The following METAP1D variants were observed in gnomAD, a reference collection of about 807,000 sequenced individuals.
The protein encoded by METAP1D is methionine aminopeptidase 1D, mitochondrial.
METAP1D carries 31 observed loss-of-function variants against 40.5 expected under a neutral mutation model. The observed-to-expected ratio is 0.77, with a 90% CI of 0.58 to 1.03. The LOEUF is 1.03. Among genes scored for constraint, METAP1D ranks in the 50% least tolerant of loss-of-function variants. The pLI is 0.00. For synonymous variants in METAP1D, 151 were observed against 146.4 expected, an observed-to-expected ratio of 1.03 and a Z score of -0.22; for missense variants, 411 against 420.7, an observed-to-expected ratio of 0.98 and a Z score of 0.20.
intron 8 of METAP1D, 24 bp from the exon 9 acceptor site, chr2:172,080,104 C>A: frequency 6.3e-7 from 1 of 1,586,860 alleles, no homozygotes; most frequent in Non-Finnish European, 8.6e-7. Flanking sequence ...GAGGTCACTG[C>A]AGTAAATATT....
At chr2:172,037,050 G>A (rs1574110457) in intron 1 of METAP1D, among the ~76,000 whole-genome samples, 1 of 152,144 alleles carries the variant, frequency 6.6e-6, no homozygotes, top group South Asian at 2.1e-4. Context: ...ACTTGAGGTC[G>A]GGAGTTCAAG....
chr2:172,076,311 T>G (rs971955369), intron 6 of METAP1D, among the ~76,000 whole-genome samples: 1 of 144,520 alleles, frequency 6.9e-6, no homozygotes, highest in Non-Finnish European at 1.5e-5. Context: ...AGGGAGAAAC[T>G]GTTCCTGTAA....
intron 1 of METAP1D, among the ~76,000 whole-genome samples, chr2:172,004,328 T>C (rs1163140429): frequency 1.3e-5 from 2 of 151,970 alleles, no homozygotes; most frequent in African/African-American, 2.4e-5. Flanking sequence ...AACTTTTCTT[T>C]TTTTTTTTAA....
chr2:172,049,327 C>G (rs1013485199), intron 1 of METAP1D, among the ~76,000 whole-genome samples: 8 of 150,590 alleles, frequency 5.3e-5, no homozygotes, highest in African/African-American at 1.9e-4. Flanking sequence ...ACATTCATAT[C>G]CTTAAATATA....
intron 6 of METAP1D, among the ~76,000 whole-genome samples, chr2:172,074,584 G>A (rs1690500061): frequency 1.3e-5 from 2 of 152,236 alleles, no homozygotes; most frequent in African/African-American, 4.8e-5. Flanking sequence ...GAAAAATACA[G>A]TAATTTGTGA....
At chr2:172,030,930 T>C (rs898488693) in intron 1 of METAP1D, among the ~76,000 whole-genome samples, 5 of 152,184 alleles carry the variant, frequency 3.3e-5, no homozygotes, top group Admixed American at 6.5e-5. Context: ...GTAAAGACTT[T>C]AGGTATGATA....
Position 172,066,293 on chromosome 2 carries a change from A to G in METAP1D, c.527A>G (p.Asn176Ser), listed in dbSNP as rs1451859119. The G allele has an allele frequency of 6.2e-7, 1 of 1,612,052 alleles. No individual in the cohort carries two copies. The highest frequency in any genetic ancestry group is 2.2e-5 in the East Asian group (1 of 44,836). The change falls in exon 5 of 10, where the codon AAC becomes AGC. Residue 176 changes from asparagine to serine, a missense_variant. Asn to Ser is a conservative substitution (Grantham distance 46). Transcript: ENST00000315796. ...CCTCTTCAGGATGGAGATATTATCA[A>G]CATTGATGTCACAGTGAGTAAATCA... ...SRPLQDGDII[N>S]IDVTVYYNGY... is the part of the protein sequence containing the mutation.
chr2:172,074,220 C>A (rs1690491661), intron 6 of METAP1D, among the ~76,000 whole-genome samples: 1 of 151,998 alleles, frequency 6.6e-6, no homozygotes, highest in Non-Finnish European at 1.5e-5. Flanking sequence ...ACAGTTCAAT[C>A]AAAAATAATT....
At chr2:172,043,096 C>T (rs1314430839) in intron 1 of METAP1D, among the ~76,000 whole-genome samples, 1,067 of 6,004 alleles carry the variant, frequency 0.18, 90 homozygotes, top group Middle Eastern at 0.5. Flanking sequence ...TATTTACATA[C>T]ATATATATAT....
intron 1 of METAP1D, among the ~76,000 whole-genome samples, chr2:172,054,297 G>A (rs574600843): frequency 3.9e-5 from 6 of 152,122 alleles, no homozygotes; most frequent in East Asian, 1.9e-4. Context: ...CGAGGTGGGC[G>A]GATCACGAGG....
At chr2:172,031,831 G>C (rs1044907750) in intron 1 of METAP1D, among the ~76,000 whole-genome samples, 1 of 152,188 alleles carries the variant, frequency 6.6e-6, no homozygotes, top group Non-Finnish European at 1.5e-5. Flanking sequence ...AAAGCCCTAC[G>C]TCGTTGACTT....
rs925373270 is a variant in METAP1D, at chr2:172,061,401, T to G, written c.41-97T>G. The G allele has an allele frequency of 1.8e-5, 20 of 1,086,332 alleles. No homozygotes were observed. The Middle Eastern group carries it at 8.7e-4, about 47-fold the overall frequency. 67.3% of individuals were successfully genotyped at this position (1,086,332 alleles called of 1,614,324 possible). On this transcript the variant is annotated intron_variant, in intron 1 of 9. Coordinates refer to ENST00000315796, the MANE Select transcript of METAP1D (RefSeq NM_199227.3). ...TTTCCTTTTTCAGTCAATAAGGTAT[T>G]AGAATAATGATTTAATAGACAACAC...
chr2:172,041,726 T>TTTTATATA lies in METAP1D; in HGVS notation c.41-19771_41-19770insTTATATAT, dbSNP rs1273069042. On this transcript the variant is annotated intron_variant, in intron 1 of 9. Transcript: ENST00000315796. ...TTTTAATTTCCTTACTCTAATTATT[T>TTTTATATA]TATATATATATATATATATATATAT... is the stretch of plus-strand genomic sequence containing the variant. 5.1e-4 allele frequency among the ~76,000 whole-genome samples: 19 copies of TTTTATATA among 37,570 alleles called. 2 individuals carry two copies. The highest frequency in any genetic ancestry group is 7.7e-4 in the Non-Finnish European group (12 of 15,594). The allele number at this position is 37,570 out of a possible 152,430, so 24.6% of individuals were successfully genotyped here.
rs1363036779 is a variant in METAP1D, at chr2:172,011,658, GT to G, written c.40+11650del. Among the ~76,000 whole-genome samples, 4 of 152,254 alleles carry G rather than the reference GT, an allele frequency of 2.6e-5. No individual in the cohort carries two copies. In the East Asian group the frequency reaches 7.7e-4, roughly 29 times the overall value. The stretch of plus-strand genomic sequence containing the variant: ...GGAATCATACAACATGCAGTCTTTT[GT>G]GACTGGCTTCTTTCATTTAGCATGA... On this transcript the variant is annotated intron_variant, in intron 1 of 9. Coordinates refer to ENST00000315796, the MANE Select transcript of METAP1D (RefSeq NM_199227.3).
chr2:172,027,132 C>G (rs1689135761), intron 1 of METAP1D, among the ~76,000 whole-genome samples: 1 of 152,140 alleles, frequency 6.6e-6, no homozygotes, highest in Non-Finnish European at 1.5e-5. Flanking sequence ...GGCTGTATGC[C>G]AGACACTAGG....
At chr2:172,066,456 T>A in intron 5 of METAP1D, 150 bp downstream of exon 5, 2 of 632,948 alleles carry the variant, frequency 3.2e-6, no homozygotes, top group Non-Finnish European at 5.4e-6. Context: ...TTTTTGTCTT[T>A]AACTCTGTGT....
chr2:172,017,377 ATATATATGTATATATGTG>A (rs917774794), intron 1 of METAP1D, among the ~76,000 whole-genome samples: 25 of 141,500 alleles, frequency 1.8e-4, no homozygotes, highest in Admixed American at 5.6e-4. Context: ...ATATATGTGT[ATATATATGTATATATGTG>A]TATATATGTA....
chr2:172,013,398 A>G (rs1445897375), intron 1 of METAP1D, among the ~76,000 whole-genome samples: 1 of 152,204 alleles, frequency 6.6e-6, no homozygotes, highest in Admixed American at 6.5e-5. Flanking sequence ...TCTTCCCTGA[A>G]CTAGGACCGG....
chr2:172,079,130 T>C, intron 7 of METAP1D, 85 bp from the exon 8 acceptor site: 1 of 1,401,592 alleles, frequency 7.1e-7, no homozygotes, highest in Non-Finnish European at 9.9e-7. Flanking sequence ...CCAAGTTTTT[T>C]AAAGGGGCCT....
Sources: gnomAD v4.1 joint callset for allele counts (sites outside exome capture counted in the v4.1 genomes callset) on GRCh38, gnomAD v4.1.1 for gene constraint, MANE v1.5 for transcripts, NCBI Gene and HGNC (gene_info 2026-07-23, HGNC 2026-07-21) for gene names.